The following TAOK1 variants were observed in gnomAD, a reference collection of about 807,000 sequenced individuals.
TAOK1 encodes the protein serine/threonine-protein kinase TAO1.
In TAOK1, 21 loss-of-function variants were observed where a neutral mutation model predicts 138.3. That is an observed-to-expected ratio of 0.15 (90% CI 0.11 to 0.22). The LOEUF is 0.22. Among genes scored for constraint, TAOK1 ranks in the 10% least tolerant of loss-of-function variants. The pLI, the probability that TAOK1 is intolerant of heterozygous loss-of-function variation, is 1.00. For synonymous variants in TAOK1, 361 were observed against 398.4 expected (o/e 0.91, Z 1.12); for missense variants, 651 against 1,227.7 (o/e 0.53, Z 7.02).
chr17:29,529,302 T>G (rs1029356923), intron 17 of TAOK1, among the ~76,000 whole-genome samples: 10 of 152,112 alleles, frequency 6.6e-5, no homozygotes, highest in African/African-American at 1.9e-4. Context: ...AAAATTTAAT[T>G]TTCTAAGCCA....
At chr17:29,469,955 T>C (rs969955536) in intron 3 of TAOK1, among the ~76,000 whole-genome samples, 7 of 152,220 alleles carry the variant, frequency 4.6e-5, no homozygotes, top group African/African-American at 1.7e-4. Context: ...CTGTGTTCTG[T>C]TAAGGCCTTG....
intron 17 of TAOK1, among the ~76,000 whole-genome samples, chr17:29,528,637 C>A (rs923909151): frequency 5.9e-5 from 9 of 151,584 alleles, no homozygotes; most frequent in Non-Finnish European, 1.0e-4. Context: ...GTCAGGAGTT[C>A]AAGACAAGCC....
At position 29,544,084 on chromosome 17, in the gene TAOK1, G is replaced by A. The variant is rs920637424; in HGVS notation, c.*1062G>A. On this transcript the variant is annotated 3_prime_UTR_variant, in exon 20 of 20. Coordinates refer to ENST00000261716, the MANE Select transcript of TAOK1 (RefSeq NM_020791.4). ...CCAATACAAATCAAATGCCGGAGGTGTTTGATGCCATATTTGCAAATTGCC... is the reference window on the plus strand; with the variant it reads ...CCAATACAAATCAAATGCCGGAGGTATTTGATGCCATATTTGCAAATTGCC... 3 of 152,630 alleles carry A rather than the reference G, an allele frequency of 2.0e-5. No homozygotes were observed. Among genetic ancestry groups the A allele is most frequent in the Admixed American group, 2.0e-4 (3 of 15,278 alleles). 9.5% of individuals were successfully genotyped at this position (152,630 alleles called of 1,614,324 possible). A position where few individuals can be genotyped will look rare whatever the true frequency, so the allele number is the denominator to read the frequency against.
In TAOK1 at chr17:29,467,211, A is replaced by G; in HGVS notation, c.199A>G (p.Thr67Ala). The G allele has an allele frequency of 6.3e-7, 1 of 1,595,376 alleles. No homozygotes were observed. Among genetic ancestry groups the G allele is most frequent in the South Asian group, 1.1e-5 (1 of 88,232 alleles). Residue 67 changes from threonine to alanine, a missense_variant, in exon 3 of 20, where the codon ACT becomes GCT. Thr to Ala is a moderately conservative substitution (Grantham distance 58, BLOSUM62 0). Coordinates refer to ENST00000261716, the MANE Select transcript of TAOK1 (RefSeq NM_020791.4). ...AATGTCTTATAGTGGAAAGCAGTCT[A>G]CTGAGGTAGGTTAAATATGTACATT... ...KKMSYSGKQS[T>A]EKWQDIIKEV...
chr17:29,517,366 C>T (rs983284533), intron 15 of TAOK1, 87 bp from the exon 16 acceptor site: 46 of 1,297,916 alleles, frequency 3.5e-5, no homozygotes, highest in African/African-American at 4.4e-5. Flanking sequence ...GTGATCTGCC[C>T]ACCTCGGCCT....
chr17:29,421,171 C>T (rs1305150551), intron 1 of TAOK1, among the ~76,000 whole-genome samples: 3 of 152,062 alleles, frequency 2.0e-5, no homozygotes, highest in South Asian at 2.1e-4. Flanking sequence ...CCTTGTGATC[C>T]GCCCGCCTTG....
chr17:29,495,475 T>C (rs2031393777), intron 10 of TAOK1, 85 bp from the exon 11 acceptor site: 2 of 1,156,828 alleles, frequency 1.7e-6, no homozygotes, highest in South Asian at 2.3e-5. Context: ...TTATCTATCA[T>C]AGGATATTAT....
At chr17:29,521,055 C>T (rs2150766848) in intron 16 of TAOK1, among the ~76,000 whole-genome samples, 1 of 152,026 alleles carries the variant, frequency 6.6e-6, no homozygotes, top group Middle Eastern at 3.4e-3. Flanking sequence ...ATGTACTGAT[C>T]TGATCCGGAT....
chr17:29,419,196 A>T (rs1567713108), intron 1 of TAOK1, among the ~76,000 whole-genome samples: 4 of 148,386 alleles, frequency 2.7e-5, no homozygotes, highest in South Asian at 2.1e-4. Flanking sequence ...TATTCTGTAA[A>T]TTTTTTTTTT....
At chr17:29,476,058 A>G (rs1236893781) in intron 4 of TAOK1, among the ~76,000 whole-genome samples, 6 of 152,248 alleles carry the variant, frequency 3.9e-5, no homozygotes, top group African/African-American at 1.4e-4. Flanking sequence ...TGTGAAAACA[A>G]TCATGTTACT....
chr17:29,462,226 A>T (rs1376017692), intron 2 of TAOK1, among the ~76,000 whole-genome samples: 1 of 152,220 alleles, frequency 6.6e-6, no homozygotes, highest in East Asian at 1.9e-4. Flanking sequence ...GTCAGCCAGC[A>T]TGGCTGTTTC....
rs759534980 is a variant in TAOK1 at position 29,517,669 on chromosome 17, G to A, written c.1908+13G>A. On this transcript the variant is annotated intron_variant, in intron 16 of 19. Transcript: ENST00000261716. Reference sequence around the variant, plus strand: ...CCTTGTCAGGGAGGTAAGTTTGAGTGATGAGAAATTTTAAATCCTTTATCA... The same window carrying A: ...CCTTGTCAGGGAGGTAAGTTTGAGTAATGAGAAATTTTAAATCCTTTATCA... 6.3e-7 allele frequency: 1 copy of A among 1,583,528 alleles called. No homozygotes were observed. Among genetic ancestry groups the A allele is most frequent in the South Asian group, 1.1e-5 (1 of 87,260 alleles).
chr17:29,483,804 C>G (rs938431022), intron 8 of TAOK1, among the ~76,000 whole-genome samples: 1 of 152,148 alleles, frequency 6.6e-6, no homozygotes, highest in African/African-American at 2.4e-5. Context: ...TTTGAAAGTA[C>G]CTTTAGGTGT....
At chr17:29,540,959 C>T (rs1327900671) in intron 19 of TAOK1, among the ~76,000 whole-genome samples, 1 of 149,044 alleles carries the variant, frequency 6.7e-6, no homozygotes, top group Non-Finnish European at 1.5e-5. Context: ...CCCACCTCGG[C>T]CTCCCAAAAT....
intron 1 of TAOK1, among the ~76,000 whole-genome samples, chr17:29,411,577 G>T (rs115162434): frequency 0.037 from 5,602 of 150,924 alleles, 364 homozygotes; most frequent in African/African-American, 0.13. Context: ...TTTTGTGGTA[G>T]CGATGGTGTT....
At position 29,420,816 on chromosome 17, in the gene TAOK1, C is replaced by T. The variant is rs577182022; in HGVS notation, c.-95+29792C>T. Among the ~76,000 whole-genome samples the T allele has an allele frequency of 2.0e-5, 3 of 152,150 alleles. No individual in the cohort carries two copies. The East Asian group carries it at 5.8e-4, about 29-fold the overall frequency. On this transcript the variant is annotated intron_variant, in intron 1 of 19. Transcript: ENST00000261716. ...GCCAGGCTGGTCCTGAACTCCTGAC[C>T]TCATGATCCGCCTGCCTGTAATCCC...
chr17:29,540,300 G>C (rs1300027652), intron 19 of TAOK1, among the ~76,000 whole-genome samples: 6 of 152,164 alleles, frequency 3.9e-5, no homozygotes, highest in Admixed American at 2.6e-4. Flanking sequence ...AGACTTATTT[G>C]CTCCACTTTT....
intron 7 of TAOK1, among the ~76,000 whole-genome samples, 159 bp from the exon 8 acceptor site, chr17:29,482,038 A>T (rs1462509791): frequency 2.0e-5 from 3 of 152,194 alleles, no homozygotes; most frequent in Non-Finnish European, 4.4e-5. Flanking sequence ...TTTACCTCAC[A>T]ACCTGTAATG....
chr17:29,491,821 C>A lies in TAOK1; in HGVS notation c.787C>A (p.Gln263Lys), dbSNP rs1200147288. The A allele has an allele frequency of 1.2e-6, 2 of 1,613,674 alleles. No individual in the cohort carries two copies. The highest frequency in any genetic ancestry group is 1.3e-5 in the African/African-American group (1 of 74,882). ...YFRNFVDSCL[Q>K]KIPQDRPTSE... Reference sequence around the variant, plus strand: ...TCGCAACTTTGTAGATTCTTGCCTCCAGAAAATCCCTCAAGATCGACCTAC... The same window carrying A: ...TCGCAACTTTGTAGATTCTTGCCTCAAGAAAATCCCTCAAGATCGACCTAC... The change falls in exon 10 of 20, where the codon CAG becomes AAG. Residue 263 changes from glutamine (Q) to lysine (K), a missense_variant. Gln to Lys is a moderately conservative substitution (Grantham distance 53, BLOSUM62 1). This residue lies in a region of TAOK1 where 39 missense variants were observed against 52.5 expected (regional missense o/e 0.74). Transcript: ENST00000261716.
Sources: gnomAD v4.1 joint callset for allele counts (sites outside exome capture counted in the v4.1 genomes callset) on GRCh38, gnomAD v4.1.1 for gene constraint, gnomAD v4.1.1 regional missense constraint, MANE v1.5 for transcripts, NCBI Gene and HGNC (gene_info 2026-07-23, HGNC 2026-07-21) for gene names.